AP3S1: variants seen among roughly 807,000 people sequenced by gnomAD.
AP3S1 encodes the protein adaptor related protein complex 3 subunit sigma 1.
In AP3S1, 12 loss-of-function variants were observed where a neutral mutation model predicts 21.3. The observed-to-expected ratio is 0.56, with a 90% CI of 0.36 to 0.91. The LOEUF is 0.91. Among genes scored for constraint, AP3S1 ranks in the 40% least tolerant of loss-of-function variants. The pLI, the probability that AP3S1 is intolerant of heterozygous loss-of-function variation, is 0.01. For missense variants in AP3S1, 116 were observed against 225.0 expected (o/e 0.52, Z 3.10); for synonymous variants, 48 against 78.4 (o/e 0.61, Z 2.05).
chr5:115,859,900 T>C (rs1187874431), intron 1 of AP3S1, among the ~76,000 whole-genome samples: 1 of 152,220 alleles, frequency 6.6e-6, no homozygotes, highest in African/African-American at 2.4e-5. Flanking sequence ...ATGTTTTCAG[T>C]GTGGTCCCTG....
intron 1 of AP3S1, among the ~76,000 whole-genome samples, chr5:115,864,938 T>C (rs748604371): frequency 6.6e-6 from 1 of 152,210 alleles, no homozygotes; most frequent in African/African-American, 2.4e-5. Flanking sequence ...TTTAATGACA[T>C]GGACCCTTCT....
At chr5:115,895,260 T>C (rs1246371964) in intron 4 of AP3S1, 102 bp downstream of exon 4, 9 of 765,978 alleles carry the variant, frequency 1.2e-5, no homozygotes, top group Admixed American at 3.4e-5. Context: ...TTTATTCTTT[T>C]ATTATTCAAT....
At chr5:115,890,900 G>T (rs1191816327) in intron 3 of AP3S1, among the ~76,000 whole-genome samples, 1 of 152,062 alleles carries the variant, frequency 6.6e-6, no homozygotes, top group Non-Finnish European at 1.5e-5. Flanking sequence ...TTTCATCAGG[G>T]CTGCCCTGGT....
At chr5:115,866,551 G>A in intron 1 of AP3S1, 119 bp from the exon 2 acceptor site, 2 of 526,876 alleles carry the variant, frequency 3.8e-6, no homozygotes, top group Non-Finnish European at 3.1e-6. Flanking sequence ...ACTTCTCCAA[G>A]GACCCCTCTC....
intron 4 of AP3S1, among the ~76,000 whole-genome samples, chr5:115,901,186 T>C (rs1287675856): frequency 2.6e-5 from 4 of 152,156 alleles, no homozygotes; most frequent in Admixed American, 1.3e-4. Context: ...AATTAATGTA[T>C]ATAATATGTT....
intron 5 of AP3S1, chr5:115,908,885 T>A: frequency 1.5e-6 from 1 of 660,372 alleles, no homozygotes; most frequent in Middle Eastern, 7.7e-4. Context: ...AAAAACATGC[T>A]TTCAAAATCT....
At chr5:115,896,084 CAA>C (rs747571729) in intron 4 of AP3S1, among the ~76,000 whole-genome samples, 1 of 151,130 alleles carries the variant, frequency 6.6e-6, no homozygotes, top group Non-Finnish European at 1.5e-5. Context: ...AAAATTTTAG[CAA>C]AAAAAATCCA....
At chr5:115,870,949 G>A (rs1002385627) in intron 3 of AP3S1, among the ~76,000 whole-genome samples, 3 of 152,184 alleles carry the variant, frequency 2.0e-5, no homozygotes, top group East Asian at 1.9e-4. Flanking sequence ...TTGCTTGCAC[G>A]AATTCTCTAA....
chr5:115,874,919 A>T (rs918717357), intron 3 of AP3S1, among the ~76,000 whole-genome samples: 19 of 152,058 alleles, frequency 1.2e-4, no homozygotes, highest in African/African-American at 4.6e-4. Flanking sequence ...AAGTTATTTA[A>T]CCTCTTTGAC....
rs1043879305 is a variant in AP3S1, at chr5:115,911,351, G to A, written c.454-2011G>A. Among the ~76,000 whole-genome samples, 15 of 151,074 alleles carry A rather than the reference G, an allele frequency of 9.9e-5. No homozygotes were observed. The South Asian group carries it at 1.9e-3, about 19-fold the overall frequency. On this transcript the variant is annotated intron_variant, in intron 5 of 5. Transcript: ENST00000316788. Reference sequence around the variant, plus strand: ...CACAGATAAACACACACACACACACGCACAATTTCTCTCACAATAATAAAA... The same window carrying A: ...CACAGATAAACACACACACACACACACACAATTTCTCTCACAATAATAAAA...
intron 3 of AP3S1, among the ~76,000 whole-genome samples, chr5:115,889,051 G>A (rs1277313267): frequency 2.0e-5 from 3 of 152,144 alleles, no homozygotes; most frequent in Non-Finnish European, 4.4e-5. Flanking sequence ...ACAGTACTGT[G>A]CTGCCTCTAT....
chr5:115,854,994 G>A (rs1169916006), intron 1 of AP3S1, among the ~76,000 whole-genome samples: 1 of 143,374 alleles, frequency 7.0e-6, no homozygotes, highest in Non-Finnish European at 1.5e-5. Flanking sequence ...GCTTATATAT[G>A]TGTGTGTGTG....
chr5:115,849,558 A>T (rs1047078449), intron 1 of AP3S1, among the ~76,000 whole-genome samples: 1 of 152,176 alleles, frequency 6.6e-6, no homozygotes, highest in Non-Finnish European at 1.5e-5. Flanking sequence ...CCCCTTCTTG[A>T]CATAATTCAG....
intron 1 of AP3S1, among the ~76,000 whole-genome samples, chr5:115,859,502 A>G (rs1763021356): frequency 6.6e-6 from 1 of 152,212 alleles, no homozygotes; most frequent in African/African-American, 2.4e-5. Flanking sequence ...TAAATACTTC[A>G]TCATGACCAA....
At chr5:115,852,877 A>T (rs1188683268) in intron 1 of AP3S1, 2 of 329,208 alleles carry the variant, frequency 6.1e-6, no homozygotes, top group African/African-American at 4.3e-5. Context: ...TTATCAATTG[A>T]TGGACATCTG....
rs1311300369 is a variant in AP3S1, at chr5:115,856,874, T to TCA, written c.70-9794_70-9793dup. On this transcript the variant is annotated intron_variant, in intron 1 of 5. Transcript: ENST00000316788. ...AAATATATATTATTATTAACTGTGGTCACCATGCAGTTCAGTAGATCACAA... is the reference window on the plus strand; with the variant it reads ...AAATATATATTATTATTAACTGTGGTCACACCATGCAGTTCAGTAGATCACAA... Among the ~76,000 whole-genome samples the TCA allele has an allele frequency of 3.3e-5, 5 of 152,332 alleles. No homozygotes were observed. The East Asian group carries it at 9.6e-4, about 29-fold the overall frequency.
intron 1 of AP3S1, among the ~76,000 whole-genome samples, chr5:115,858,997 C>T (rs1554065519): frequency 6.6e-6 from 1 of 151,564 alleles, no homozygotes; most frequent in Non-Finnish European, 1.5e-5. Flanking sequence ...GCAGAATGGG[C>T]AGGTTTGTTA....
At chr5:115,842,233 C>A (rs1024742436) in intron 1 of AP3S1, 127 bp downstream of exon 1, 5 of 1,349,798 alleles carry the variant, frequency 3.7e-6, no homozygotes, top group East Asian at 3.0e-5. Context: ...GGCCGCCTGG[C>A]GCTCGCCAGC....
intron 3 of AP3S1, among the ~76,000 whole-genome samples, chr5:115,888,116 T>C (rs987891437): frequency 2.0e-5 from 3 of 152,126 alleles, no homozygotes; most frequent in Non-Finnish European, 4.4e-5. Flanking sequence ...TCTTTGGTTT[T>C]ATATCCCTGG....
Sources: gnomAD v4.1 joint callset for allele counts (sites outside exome capture counted in the v4.1 genomes callset) on GRCh38, gnomAD v4.1.1 for gene constraint, MANE v1.5 for transcripts, NCBI Gene and HGNC (gene_info 2026-07-23, HGNC 2026-07-21) for gene names.